PKHD1: variants seen among roughly 807,000 people sequenced by gnomAD.
The protein encoded by PKHD1 is fibrocystin.
In PKHD1, 291 loss-of-function variants were observed where a neutral mutation model predicts 412.0. The ratio of observed to expected loss-of-function variants is 0.71; its 90% CI spans 0.64 to 0.78. The LOEUF (loss-of-function observed/expected upper bound fraction) is 0.78. Ranked by LOEUF, PKHD1 falls within the 30% of genes least tolerant of loss-of-function variation. The pLI is 0.00. For missense variants in PKHD1, 4,825 were observed against 4,950.7 expected, an observed-to-expected ratio of 0.97 and a Z score of 0.76; for synonymous variants, 1,777 against 1,821.5, an observed-to-expected ratio of 0.98 and a Z score of 0.62.
intron 60 of PKHD1, among the ~76,000 whole-genome samples, chr6:51,668,758 G>C (rs549638541): frequency 1.3e-5 from 2 of 152,276 alleles, no homozygotes; most frequent in South Asian, 4.1e-4. Context: ...AGCATGAAGT[G>C]TTGTTGAATT....
chr6:51,981,330 T>TC (rs1795169370), intron 35 of PKHD1, among the ~76,000 whole-genome samples: 1 of 32,128 alleles, frequency 3.1e-5, no homozygotes, highest in African/African-American at 8.5e-5. Context: ...TCCCTCTCCC[T>TC]CTCCCTCTCC....
At position 52,059,259 on chromosome 6, in the gene PKHD1, C is replaced by CTTTTTTTTTTTTTT. The variant is rs55992586; in HGVS notation, c.1233+655_1234-659dup. Among the ~76,000 whole-genome samples, 168 of 83,530 alleles carry CTTTTTTTTTTTTTT rather than the reference C, an allele frequency of 2.0e-3. 2 individuals are homozygous for CTTTTTTTTTTTTTT. The highest frequency in any genetic ancestry group is 5.8e-3 in the African/African-American group (111 of 19,190). The allele number at this position is 83,530 out of a possible 152,430, so 54.8% of individuals were successfully genotyped here. A position where few individuals can be genotyped will look rare whatever the true frequency, so the allele number is the denominator to read the frequency against. ...CTTTCTTTTTTTTCTTTTTCTTTTT[C>CTTTTTTTTTTTTTT]TTTTTTTTTTTTTTTTTTTTTTTTG... On this transcript the variant is annotated intron_variant, in intron 15 of 66. Coordinates refer to ENST00000371117, the MANE Select transcript of PKHD1 (RefSeq NM_138694.4).
In PKHD1 at chr6:51,894,398, C is replaced by T. The variant is rs149753806; in HGVS notation, c.6997-7153G>A. 2.5e-3 allele frequency among the ~76,000 whole-genome samples: 377 copies of T among 152,338 alleles called. 3 individuals are homozygous for T. Among genetic ancestry groups the T allele is most frequent in the African/African-American group, 8.1e-3 (337 of 41,582 alleles). The stretch of plus-strand genomic sequence containing the variant: ...CAGTGAAACTGCCCTGGACTCACCT[C>T]AGCTGCAGGCTGGGCAGGGAGAGAA... On this transcript the variant is annotated intron_variant, in intron 43 of 66. Transcript: ENST00000371117.
chr6:52,065,622 G>A (rs1809581506), intron 12 of PKHD1, among the ~76,000 whole-genome samples: 1 of 152,186 alleles, frequency 6.6e-6, no homozygotes, highest in Non-Finnish European at 1.5e-5. Context: ...ACTCCTGCTT[G>A]TCTATATCAA....
At chr6:51,722,112 T>A (rs539516925) in intron 60 of PKHD1, 2 of 1,602,632 alleles carry the variant, frequency 1.2e-6, no homozygotes, top group African/African-American at 2.7e-5. Flanking sequence ...CTTTCCACAT[T>A]GCATCCAAAT....
intron 55 of PKHD1, among the ~76,000 whole-genome samples, chr6:51,759,185 A>G (rs1260599400): frequency 6.6e-6 from 1 of 152,200 alleles, no homozygotes; most frequent in East Asian, 1.9e-4. Flanking sequence ...ATTGAATTCT[A>G]TAATGATGCT....
chr6:51,774,498 T>C (rs1790673856), intron 54 of PKHD1, among the ~76,000 whole-genome samples: 1 of 151,874 alleles, frequency 6.6e-6, no homozygotes, highest in South Asian at 2.1e-4. Flanking sequence ...CTTATAATAA[T>C]CCATCTAGTT....
intron 52 of PKHD1, among the ~76,000 whole-genome samples, chr6:51,808,921 T>C (rs1469196082): frequency 6.6e-6 from 1 of 152,082 alleles, no homozygotes; most frequent in Non-Finnish European, 1.5e-5. Flanking sequence ...GTTCTCCCTA[T>C]TGCCACTTTG....
chr6:51,918,001 A>C (rs1055136095), intron 37 of PKHD1, among the ~76,000 whole-genome samples: 2 of 152,152 alleles, frequency 1.3e-5, no homozygotes, highest in African/African-American at 4.8e-5. Flanking sequence ...AAATGAGTCA[A>C]ATCCTAAGAC....
chr6:51,771,437 C>T (rs185244281), intron 55 of PKHD1, among the ~76,000 whole-genome samples: 82 of 152,162 alleles, frequency 5.4e-4, no homozygotes, highest in Non-Finnish European at 1.0e-3. Context: ...GCCTGACTGA[C>T]ATGGTGAAAC....
intron 34 of PKHD1, among the ~76,000 whole-genome samples, chr6:52,014,014 C>T (rs1165978973): frequency 6.6e-6 from 1 of 152,204 alleles, no homozygotes; most frequent in African/African-American, 2.4e-5. Flanking sequence ...CCAGTCTCAA[C>T]ACTGCCATGG....
chr6:51,632,422 C>T (rs1768036597), intron 65 of PKHD1, 143 bp downstream of exon 65: 2 of 656,878 alleles, frequency 3.0e-6, no homozygotes, highest in Non-Finnish European at 5.2e-6. Context: ...ATTAATTGAA[C>T]AATTTGGCTT....
At chr6:52,024,450 A>C in intron 32 of PKHD1, 124 bp downstream of exon 32, 1 of 892,836 alleles carries the variant, frequency 1.1e-6, no homozygotes, top group South Asian at 1.3e-5. Flanking sequence ...GGATTGTAAG[A>C]AGCCAGTGGG....
chr6:52,016,635 C>CAAAA (rs10579713), intron 34 of PKHD1, among the ~76,000 whole-genome samples: 3 of 118,860 alleles, frequency 2.5e-5, no homozygotes, highest in African/African-American at 6.8e-5. Flanking sequence ...GACTCTGTCT[C>CAAAA]AAAAAAAAAA....
rs142698039 is a variant in PKHD1, at chr6:51,930,094, C to T, written c.6121+4016G>A. 1.4e-3 allele frequency among the ~76,000 whole-genome samples: 214 copies of T among 152,294 alleles called. 2 individuals carry two copies. The highest frequency in any genetic ancestry group is 4.7e-3 in the African/African-American group (194 of 41,576). On this transcript the variant is annotated intron_variant, in intron 37 of 66. Transcript: ENST00000371117. ...AAATTTAAGTTGCCCAGGCTGACAG[C>T]AACCCACTTGAAAAGTGACAAGTGA...
Position 52,028,312 on chromosome 6 carries a change from T to C in PKHD1, c.3404A>G (p.Asn1135Ser), listed in dbSNP as rs559851718. The change falls in exon 30 of 67, where the codon AAC (asparagine) becomes AGC (serine). Residue 1135 changes from asparagine (N) to serine (S), a missense_variant. Coordinates refer to ENST00000371117, the MANE Select transcript of PKHD1 (RefSeq NM_138694.4). ...GACTTCCACATCCAAATCCGTATAG[T>C]TCATCAGCCTCGCCACTCCAATGAC... Reference protein sequence around the residue: ...TLVIGVARLMNYTDLDVEVHV... With the variant: ...TLVIGVARLMSYTDLDVEVHV... 6.2e-7 allele frequency: 1 copy of C among 1,614,034 alleles called. No homozygotes were observed. The highest frequency in any genetic ancestry group is 1.1e-5 in the South Asian group (1 of 91,076).
intron 43 of PKHD1, among the ~76,000 whole-genome samples, chr6:51,893,103 G>T (rs1231644401): frequency 2.0e-5 from 3 of 152,168 alleles, no homozygotes; most frequent in East Asian, 3.8e-4. Context: ...CACCCACCTT[G>T]TCTGCAAGTA....
intron 27 of PKHD1, among the ~76,000 whole-genome samples, chr6:52,039,623 A>G: frequency 6.6e-6 from 1 of 152,216 alleles, no homozygotes; most frequent in Non-Finnish European, 1.5e-5. Flanking sequence ...AGAATGGACT[A>G]ACACACATTG....
chr6:51,964,516 G>A (rs1792525763), intron 35 of PKHD1, among the ~76,000 whole-genome samples: 1 of 152,036 alleles, frequency 6.6e-6, no homozygotes, highest in Non-Finnish European at 1.5e-5. Flanking sequence ...ATGTATACTG[G>A]TTTATAATCA....
Sources: gnomAD v4.1 joint callset for allele counts (sites outside exome capture counted in the v4.1 genomes callset) on GRCh38, gnomAD v4.1.1 for gene constraint, MANE v1.5 for transcripts, NCBI Gene and HGNC (gene_info 2026-07-23, HGNC 2026-07-21) for gene names.